MIB1: variants seen among roughly 807,000 people sequenced by gnomAD.
MIB1 encodes MIB E3 ubiquitin protein ligase 1, also known as E3 ubiquitin-protein ligase MIB1.
In MIB1, 278 loss-of-function variants were observed where a neutral mutation model predicts 124.5. That is an observed-to-expected ratio of 2.23 (90% CI 2.02 to 2.47). The LOEUF (loss-of-function observed/expected upper bound fraction) is 2.47. Ranked by LOEUF, MIB1 falls within the 30% of genes most tolerant of loss-of-function variation. The pLI is 0.00. For missense variants in MIB1, 957 were observed against 1,254.4 expected (o/e 0.76, Z 3.58); for synonymous variants, 446 against 429.4 (o/e 1.04, Z -0.48).
At chr18:21,842,448 C>T (rs2042099751) in intron 13 of MIB1, among the ~76,000 whole-genome samples, 1 of 151,976 alleles carries the variant, frequency 6.6e-6, no homozygotes, top group Middle Eastern at 3.2e-3. Flanking sequence ...TTAACTGTCA[C>T]CATTTTGGAG....
At position 21,799,845 on chromosome 18, in the gene MIB1, A is replaced by ACT; in HGVS notation, c.1246_1247dup (p.Gln417HisfsTer4). 6.2e-7 allele frequency: 1 copy of ACT among 1,609,178 alleles called. No homozygotes were observed. The highest frequency in any genetic ancestry group is 8.5e-7 in the Non-Finnish European group (1 of 1,176,872). On this transcript the variant is annotated frameshift_variant, in exon 9 of 21. Coordinates refer to ENST00000261537, the MANE Select transcript of MIB1 (RefSeq NM_020774.4). LOFTEE classifies it high-confidence loss of function. ...GCTTTATTTGATGCTTTACAGAAAG[A>ACT]CTCTCACAACTCCTGAAGAAATTAT...
intron 6 of MIB1, among the ~76,000 whole-genome samples, chr18:21,786,396 T>G (rs2041436282): frequency 6.6e-6 from 1 of 152,132 alleles, no homozygotes; most frequent in Admixed American, 6.5e-5. Context: ...TGCGCCCAGC[T>G]CTATTTGGTT....
At chr18:21,761,984 G>C (rs2041103391) in intron 1 of MIB1, among the ~76,000 whole-genome samples, 2 of 152,022 alleles carry the variant, frequency 1.3e-5, no homozygotes. Context: ...AGTACACGGT[G>C]GGGGGGACTT....
intron 1 of MIB1, among the ~76,000 whole-genome samples, chr18:21,706,323 G>A (rs980581094): frequency 2.6e-5 from 4 of 152,078 alleles, no homozygotes; most frequent in Admixed American, 2.0e-4. Context: ...CACTCGCCTC[G>A]GCCTCCCAAA....
At chr18:21,768,852 A>G in intron 3 of MIB1, 100 bp downstream of exon 3, 4 of 1,026,284 alleles carry the variant, frequency 3.9e-6, no homozygotes, top group Non-Finnish European at 5.2e-6. Flanking sequence ...ATTGTTTTCC[A>G]TGCCAGTAAC....
chr18:21,741,636 T>A lies in MIB1; in HGVS notation c.53T>A (p.Val18Glu). The change falls in exon 1 of 21, where the codon GTA becomes GAA. Residue 18 changes from valine to glutamate, a missense_variant. Transcript: ENST00000261537. This position sits in a 1 kb window ranked among gnomAD's most constrained non-coding sequence, Gnocchi z 5.4. Reference protein sequence around the residue: ...RVMVEGVGARVVRGPDWKWGK... With the variant: ...RVMVEGVGAREVRGPDWKWGK... ...ATGGTGGAAGGGGTTGGCGCTCGGG[T>A]AGTGCGCGGCCCGGACTGGAAGTGG... 2 of 1,608,592 alleles carry A rather than the reference T, an allele frequency of 1.2e-6. No homozygotes were observed. The highest frequency in any genetic ancestry group is 1.7e-6 in the Non-Finnish European group (2 of 1,178,358).
intron 1 of MIB1, among the ~76,000 whole-genome samples, chr18:21,732,336 T>C (rs998081658): frequency 4.3e-5 from 6 of 139,664 alleles, no homozygotes; most frequent in Non-Finnish European, 9.1e-5. Context: ...TAAAAAAATA[T>C]ATATATTATA....
At chr18:21,754,989 C>T (rs781578166) in intron 1 of MIB1, among the ~76,000 whole-genome samples, 25 of 152,106 alleles carry the variant, frequency 1.6e-4, no homozygotes, top group Non-Finnish European at 2.6e-4. Flanking sequence ...CACCCTCCTC[C>T]GGGACACCTG....
At chr18:21,739,154 A>T (rs1213925497), upstream of MIB1, among the ~76,000 whole-genome samples, 2 of 152,184 alleles carry the variant, frequency 1.3e-5, no homozygotes, top group Non-Finnish European at 2.9e-5. Context: ...GAATACTATA[A>T]AAACTTCTAC....
At chr18:21,840,627 GTA>G (rs57360671) in intron 13 of MIB1, among the ~76,000 whole-genome samples, 12 of 110,632 alleles carry the variant, frequency 1.1e-4, no homozygotes, top group African/African-American at 4.4e-4. Flanking sequence ...CATCTCTACT[GTA>G]TATATATATA....
At chr18:21,801,098 C>G (rs1304594966) in intron 9 of MIB1, among the ~76,000 whole-genome samples, 1 of 152,066 alleles carries the variant, frequency 6.6e-6, no homozygotes. Flanking sequence ...CTTTCTCACC[C>G]CTATTTTCCT....
intron 1 of MIB1, among the ~76,000 whole-genome samples, chr18:21,749,641 CTT>C (rs10653364): frequency 5.2e-5 from 6 of 114,546 alleles, no homozygotes; most frequent in Non-Finnish European, 4.9e-5. Flanking sequence ...CTACCTTACT[CTT>C]TTTTTTTTTT....
At position 21,858,596 on chromosome 18, in the gene MIB1, A is replaced by G. The variant is rs374462341; in HGVS notation, c.2830A>G (p.Asn944Asp). Residue 944 changes from asparagine (N) to aspartate (D), a missense_variant, in exon 20 of 21, where the codon AAT becomes GAT. Physicochemically the swap from Asn to Asp is conservative, Grantham distance 23. Transcript: ENST00000261537. The part of the protein sequence containing the change: ...LQKDKDNTNV[N>D]ADVQKLQQQL... ...AAAGGACAAGGATAATACCAATGTC[A>G]ATGCAGATGTGCAAAAGTTGCAGCA... The G allele has an allele frequency of 1.2e-6, 2 of 1,604,766 alleles. No homozygotes were observed. The highest frequency in any genetic ancestry group is 2.7e-5 in the African/African-American group (2 of 74,850).
chr18:21,720,307 A>C (rs185039630), intron 1 of MIB1, among the ~76,000 whole-genome samples: 1 of 152,332 alleles, frequency 6.6e-6, no homozygotes, highest in East Asian at 1.9e-4. Context: ...GGACATTTTA[A>C]ATAGGTGAAT....
At chr18:21,751,116 C>T (rs2040969777) in intron 1 of MIB1, among the ~76,000 whole-genome samples, 1 of 151,848 alleles carries the variant, frequency 6.6e-6, no homozygotes, top group South Asian at 2.1e-4. Flanking sequence ...GCAGGAGGAT[C>T]AGTTGAGCCT....
At chr18:21,813,044 T>C (rs2041791688) in intron 10 of MIB1, among the ~76,000 whole-genome samples, 1 of 152,176 alleles carries the variant, frequency 6.6e-6, no homozygotes, top group African/African-American at 2.4e-5. Context: ...ATTATTCTTA[T>C]TTATTTCCTT....
intron 1 of MIB1, among the ~76,000 whole-genome samples, chr18:21,748,182 T>C (rs968149837): frequency 2.6e-5 from 4 of 152,198 alleles, no homozygotes; most frequent in African/African-American, 9.6e-5. Context: ...TTTTCTTTTA[T>C]AGTATAGTGG....
At chr18:21,797,528 A>T (rs904016914) in intron 7 of MIB1, among the ~76,000 whole-genome samples, 1 of 152,098 alleles carries the variant, frequency 6.6e-6, no homozygotes, top group African/African-American at 2.4e-5. Flanking sequence ...TGAATTTTCA[A>T]CGAAGAAGAG....
At position 21,853,185 on chromosome 18, in the gene MIB1, T is replaced by C; in HGVS notation, c.2632T>C (p.Phe878Leu). ...VCSDKKAAVL[F>L]QPCGHMCACE... is the part of the protein sequence containing the mutation. ...CTCTGACAAGAAAGCAGCTGTTCTT[T>C]TTCAACCCTGTGGCCACATGTGTGC... The change falls in exon 18 of 21, where the codon TTT (phenylalanine) becomes CTT (leucine). Residue 878 changes from phenylalanine (F) to leucine (L), a missense_variant. Coordinates refer to ENST00000261537, the MANE Select transcript of MIB1 (RefSeq NM_020774.4). 2 of 1,613,582 alleles carry C rather than the reference T, an allele frequency of 1.2e-6. No individual in the cohort carries two copies. The highest frequency in any genetic ancestry group is 8.5e-7 in the Non-Finnish European group (1 of 1,179,666).
Sources: allele counts gnomAD v4.1 joint callset (sites outside exome capture counted in the v4.1 genomes callset), GRCh38; gene constraint gnomAD v4.1.1; non-coding constraint Gnocchi (gnomAD v3.1); transcripts MANE v1.5; gene names NCBI Gene and HGNC (gene_info 2026-07-23, HGNC 2026-07-21).